The following ATG9B variants were observed in gnomAD, a reference collection of about 807,000 sequenced individuals.
ATG9B encodes autophagy-related protein 9B.
Under a neutral mutation model 92.9 loss-of-function variants are expected in ATG9B, and 92 were observed. That is an observed-to-expected ratio of 0.99 (90% CI 0.84 to 1.18). The LOEUF is 1.18. Among genes scored for constraint, ATG9B ranks in the 50% most tolerant of loss-of-function variants. ATG9B has a pLI of 0.00. For missense variants in ATG9B, 1,344 were observed against 1,235.0 expected (o/e 1.09, Z -1.32); for synonymous variants, 599 against 551.4 (o/e 1.09, Z -1.21).
chr7:151,015,871 G>T lies in ATG9B; in HGVS notation c.*14+11C>A, dbSNP rs1316922875. 1 of 1,548,700 alleles carries T rather than the reference G, an allele frequency of 6.5e-7. No individual in the cohort carries two copies. The highest frequency in any genetic ancestry group is 2.0e-5 in the Admixed American group (1 of 50,474). On this transcript the variant is annotated intron_variant, in intron 13 of 13. Coordinates refer to ENST00000639579, the MANE Select transcript of ATG9B (RefSeq NM_001317056.2). ...TCCTTTCTCCCTCCCCTCACAGGAG[G>T]CAATACTGACCCTGAGGAGTCGTCT...
At chr7:151,012,337 G>A, downstream of ATG9B, 1 of 1,547,220 alleles carries the variant, frequency 6.5e-7, no homozygotes, top group Non-Finnish European at 8.7e-7. Context: ...CTGATGGAGT[G>A]TCTCTCCTGC....
At chr7:151,013,043 T>C, downstream of ATG9B, 1 of 630,984 alleles carries the variant, frequency 1.6e-6, no homozygotes, top group East Asian at 3.0e-5. Context: ...CCCTTCCCTC[T>C]GTAAATCAGG....
downstream of ATG9B, chr7:151,013,870 G>A (rs756500334): frequency 6.9e-6 from 11 of 1,603,228 alleles, no homozygotes; most frequent in Middle Eastern, 1.6e-4. Context: ...TGGCGACGGA[G>A]GGCGACATGG....
chr7:151,017,787 C>T, intron 8 of ATG9B, 84 bp downstream of exon 8: 1 of 1,427,376 alleles, frequency 7.0e-7, no homozygotes, highest in South Asian at 1.5e-5. Flanking sequence ...GCAATGGAGC[C>T]AGGGCTGGAA....
At chr7:151,015,841 T>G (rs913104639) in intron 13 of ATG9B, 41 bp downstream of exon 13, 74 of 1,529,376 alleles carry the variant, frequency 4.8e-5, no homozygotes, top group Non-Finnish European at 6.3e-5. Context: ...CAACTACCTA[T>G]GCCGTCCTTT....
At chr7:151,013,024 C>T (rs1795340675), downstream of ATG9B, 2 of 580,928 alleles carry the variant, frequency 3.4e-6, no homozygotes, top group Non-Finnish European at 5.9e-6. Flanking sequence ...CACCACCTCA[C>T]CCGCGCTTCC....
intron 5 of ATG9B, chr7:151,020,910 T>C: frequency 3.2e-6 from 1 of 308,954 alleles, no homozygotes; most frequent in Non-Finnish European, 6.0e-6. Flanking sequence ...CCCTTTCTCT[T>C]TTCTCTAATC....
chr7:151,018,364 G>C lies in ATG9B; in HGVS notation c.1802C>G (p.Pro601Arg), dbSNP rs766172510. ...QTALAHMHYLPEEPGPGGRDR... is the reference protein window; with the variant it reads ...QTALAHMHYLREEPGPGGRDR... ...CCTGCCGCCGGGGCCGGGCTCCTCC[G>C]GGAGGTAGTGCATGTGGGCCAGGGC... is the stretch of plus-strand genomic sequence containing the variant. Residue 601 changes from proline to arginine, a missense_variant, in exon 7 of 14, where the codon CCG becomes CGG. By Grantham distance (103) the Pro-to-Arg change is moderately radical. Transcript: ENST00000639579. The surrounding 1 kb of genome is among the most constrained non-coding windows in gnomAD (Gnocchi z 4.7). 2.5e-6 allele frequency: 4 copies of C among 1,599,316 alleles called. No homozygotes were observed. Among genetic ancestry groups the C allele is most frequent in the East Asian group, 2.2e-5 (1 of 44,620 alleles).
Position 151,017,195 on chromosome 7 carries a change from C to G in ATG9B, c.2130G>C (p.Arg710=). The G allele has an allele frequency of 1.2e-6, 2 of 1,612,984 alleles. No homozygotes were observed. The highest frequency in any genetic ancestry group is 1.7e-6 in the Non-Finnish European group (2 of 1,179,672). ...EDGKTELSLM[R]FSLAHPLWRP... ...GCCAGAGTGGATGCGCCAGGGAGAA[C>G]CGCATCAAAGAAAGCTCAGTCTTGC... The change falls in exon 9 of 14, where the codon CGG becomes CGC. Residue 710 remains arginine (R), a synonymous_variant. Coordinates refer to ENST00000639579, the MANE Select transcript of ATG9B (RefSeq NM_001317056.2).
At chr7:151,017,372 AC>A in intron 8 of ATG9B, 100 bp from the exon 9 acceptor site, 1 of 1,177,864 alleles carries the variant, frequency 8.5e-7, no homozygotes, top group Non-Finnish European at 1.2e-6. Context: ...AAGGAAACAG[AC>A]CACAATGGGG....
rs551866975 is a variant in ATG9B at position 151,019,073 on chromosome 7, T to C, written c.1265A>G (p.Tyr422Cys). Residue 422 changes from tyrosine (Y) to cysteine (C), a missense_variant, in exon 6 of 14, where the codon TAC becomes TGC. Physicochemically the swap from Tyr to Cys is radical, Grantham distance 194. Coordinates refer to ENST00000639579, the MANE Select transcript of ATG9B (RefSeq NM_001317056.2). ...GGCGCCCCGCTGGTCGCTGCGCTTG[T>C]AGGCGTGCGGCAGCTCCCAGCCCCC... ...FRGGWELPHAYKRSDQRGALA... is the reference protein window; with the variant it reads ...FRGGWELPHACKRSDQRGALA... The C allele has an allele frequency of 3.5e-5, 54 of 1,536,318 alleles. No homozygotes were observed. In the Admixed American group the frequency reaches 6.3e-4, roughly 18 times the overall value.
chr7:151,014,078 G>A, downstream of ATG9B: 1 of 1,613,834 alleles, frequency 6.2e-7, no homozygotes, highest in Non-Finnish European at 8.5e-7. Flanking sequence ...AGCCGCATAC[G>A]CACCCAGAGC....
In ATG9B at chr7:151,024,394, T is replaced by TC; in HGVS notation, c.29dup (p.Arg11LysfsTer138). On this transcript the variant is annotated frameshift_variant, in exon 1 of 14. Coordinates refer to ENST00000639579, the MANE Select transcript of ATG9B (RefSeq NM_001317056.2). LOFTEE classifies it high-confidence loss of function. ...CTCCCCACCGCCCCAGCCGCCTTCT[T>TC]CTCCCCCCCCAGCCCATTCGGCTCA... is the stretch of plus-strand genomic sequence containing the variant. The TC allele has an allele frequency of 7.3e-7, 1 of 1,370,482 alleles. No individual in the cohort carries two copies. 84.9% of individuals were successfully genotyped at this position (1,370,482 alleles called of 1,614,324 possible).
downstream of ATG9B, chr7:151,014,153 A>T (rs1323427632): frequency 1.2e-6 from 2 of 1,607,420 alleles, no homozygotes; most frequent in Non-Finnish European, 1.7e-6. Context: ...CCCGGCTCAG[A>T]CACCAACAGC....
intron 10 of ATG9B, 53 bp downstream of exon 10, chr7:151,016,635 G>A: frequency 6.5e-7 from 1 of 1,546,998 alleles, no homozygotes; most frequent in Non-Finnish European, 8.7e-7. Context: ...CACTCCTACA[G>A]GATCAGCCCA....
rs1795456868 is a variant in ATG9B at position 151,015,864 on chromosome 7, A to C, written c.*14+18T>G. 6.5e-7 allele frequency: 1 copy of C among 1,541,050 alleles called. No individual in the cohort carries two copies. Among genetic ancestry groups the C allele is most frequent in the African/African-American group, 1.4e-5 (1 of 72,552 alleles). The stretch of plus-strand genomic sequence containing the variant: ...TATGCCGTCCTTTCTCCCTCCCCTC[A>C]CAGGAGGCAATACTGACCCTGAGGA... On this transcript the variant is annotated intron_variant, in intron 13 of 13. Coordinates refer to ENST00000639579, the MANE Select transcript of ATG9B (RefSeq NM_001317056.2).
At position 151,015,987 on chromosome 7, in the gene ATG9B, C is replaced by G; in HGVS notation, c.2684G>C (p.Gly895Ala). Residue 895 changes from glycine (G) to alanine (A), a missense_variant, in exon 13 of 14, where the codon GGA (glycine) becomes GCA (alanine). Transcript: ENST00000639579. Reference sequence around the variant, plus strand: ...GAACAGATTCCGGGCCTTCTGGGTTCCCCACTGTTGTCTGGGGCTAGAGGC... The same window carrying G: ...GAACAGATTCCGGGCCTTCTGGGTTGCCCACTGTTGTCTGGGGCTAGAGGC... ...SPASSPRQQW[G>A]TQKARNLFPG... The G allele has an allele frequency of 6.4e-7, 1 of 1,551,668 alleles. No individual in the cohort carries two copies. The highest frequency in any genetic ancestry group is 8.7e-7 in the Non-Finnish European group (1 of 1,146,984).
intron 4 of ATG9B, among the ~76,000 whole-genome samples, chr7:151,022,202 G>C (rs1298370671): frequency 6.1e-5 from 9 of 148,638 alleles, no homozygotes; most frequent in Non-Finnish European, 1.3e-4. Flanking sequence ...TGCTGGGAGG[G>C]AGGAGGGTGT....
chr7:151,020,718 G>A (rs937641282), intron 5 of ATG9B, among the ~76,000 whole-genome samples: 2 of 152,172 alleles, frequency 1.3e-5, no homozygotes, highest in African/African-American at 2.4e-5. Flanking sequence ...CTGCAATGCG[G>A]GGGATGGCTT....
Sources: allele counts gnomAD v4.1 joint callset (sites outside exome capture counted in the v4.1 genomes callset), GRCh38; gene constraint gnomAD v4.1.1; non-coding constraint Gnocchi (gnomAD v3.1); transcripts MANE v1.5; gene names NCBI Gene and HGNC (gene_info 2026-07-23, HGNC 2026-07-21).